TIMM23: variants seen among roughly 807,000 people sequenced by gnomAD.
TIMM23 encodes the protein translocase of inner mitochondrial membrane 23, also known as mitochondrial import inner membrane translocase subunit Tim23.
A neutral mutation model predicts 30.7 loss-of-function variants in TIMM23; 19 were observed. That is an observed-to-expected ratio of 0.62 (90% CI 0.43 to 0.91). The LOEUF (loss-of-function observed/expected upper bound fraction) is 0.91, where lower values mean the gene tolerates loss of function less well. Ranked by LOEUF, TIMM23 falls within the 40% of genes least tolerant of loss-of-function variation. The probability of loss-of-function intolerance (pLI) is 0.00; values close to 1 mark genes in which losing one functional copy is unlikely to be tolerated. For missense variants in TIMM23, 202 were observed against 269.2 expected (o/e 0.75, Z 1.75); for synonymous variants, 78 against 98.5 (o/e 0.79, Z 1.23).
chr10:45,973,568 A>G (rs1837567998), intron 1 of TIMM23, among the ~76,000 whole-genome samples: 1 of 152,238 alleles, frequency 6.6e-6, no homozygotes, highest in Admixed American at 6.5e-5. Context: ...AAAAAAATAT[A>G]AAAGACCTTT....
At chr10:45,994,310 GC>G (rs1418973473) in intron 6 of TIMM23, among the ~76,000 whole-genome samples, 1 of 151,964 alleles carries the variant, frequency 6.6e-6, no homozygotes, top group Admixed American at 6.6e-5. Flanking sequence ...CTGCACTCCA[GC>G]CTGGGCAGCT....
At chr10:46,002,912 C>T (rs1554917976) in intron 6 of TIMM23, among the ~76,000 whole-genome samples, 1 of 149,166 alleles carries the variant, frequency 6.7e-6, no homozygotes, top group Non-Finnish European at 1.5e-5. Flanking sequence ...CAACCTCAGC[C>T]TCCTGGGTTC....
intron 6 of TIMM23, among the ~76,000 whole-genome samples, chr10:46,002,834 T>TTTG (rs71471364): frequency 7.1e-6 from 1 of 141,146 alleles, no homozygotes; most frequent in Non-Finnish European, 1.6e-5. Context: ...TTTTTTTTTT[T>TTTG]GACGGAGTCT....
In TIMM23 at chr10:45,996,088, A is replaced by G. The variant is rs375347772; in HGVS notation, c.515-7115A>G. Among the ~76,000 whole-genome samples the G allele has an allele frequency of 1.4e-3, 214 of 148,088 alleles. 5 individuals carry two copies. The highest frequency in any genetic ancestry group is 4.7e-3 in the African/African-American group (177 of 38,058). On this transcript the variant is annotated intron_variant, in intron 6 of 6. Transcript: ENST00000580018. The stretch of plus-strand genomic sequence containing the variant: ...TTAAAACAGAAATGTTAGGCCTGGC[A>G]CAGTGGCTCACGTCTGTAATCCCAG...
chr10:45,986,016 CAATAGATCTCTTAT>C (rs1837979202), intron 5 of TIMM23, among the ~76,000 whole-genome samples: 1 of 152,190 alleles, frequency 6.6e-6, no homozygotes. Flanking sequence ...TGATCACTTA[CAATAGATCTCTTAT>C]GGCTTATGTC....
chr10:45,981,440 A>G lies in TIMM23; in HGVS notation c.166-1083A>G, dbSNP rs1169201374. Among the ~76,000 whole-genome samples, 216 of 151,932 alleles carry G rather than the reference A, an allele frequency of 1.4e-3. 2 individuals carry two copies. Among genetic ancestry groups the G allele is most frequent in the Non-Finnish European group, 2.4e-3 (163 of 67,990 alleles). On this transcript the variant is annotated intron_variant, in intron 2 of 6. Transcript: ENST00000580018. Reference sequence around the variant, plus strand: ...AAGTACCCAAAATTTATAAAACTCTATACAATTATATTATGACATGGGATC... The same window carrying G: ...AAGTACCCAAAATTTATAAAACTCTGTACAATTATATTATGACATGGGATC...
chr10:46,000,062 GTGCCCAGAT>G (rs1469448116), intron 6 of TIMM23, among the ~76,000 whole-genome samples: 2 of 152,162 alleles, frequency 1.3e-5, no homozygotes, highest in East Asian at 3.9e-4. Flanking sequence ...TTTTTTCAAG[GTGCCCAGAT>G]TTCATATTTG....
Position 45,972,517 on chromosome 10 carries a change from A to G in TIMM23, c.-108A>G. The G allele has an allele frequency of 4.1e-6, 6 of 1,458,664 alleles. No homozygotes were observed. The highest frequency in any genetic ancestry group is 1.4e-5 in the African/African-American group (1 of 70,288). 90.4% of individuals were successfully genotyped at this position (1,458,664 alleles called of 1,614,324 possible). A position where few individuals can be genotyped will look rare whatever the true frequency, so the allele number is the denominator to read the frequency against. Reference sequence around the variant, plus strand: ...CGGCGCCCGGAAGGTCAGCGTGTGAAGTAGGCGCTGGCAACGCGGGGTTAC... The same window carrying G: ...CGGCGCCCGGAAGGTCAGCGTGTGAGGTAGGCGCTGGCAACGCGGGGTTAC... On this transcript the variant is annotated 5_prime_UTR_variant, in exon 1 of 7. Coordinates refer to ENST00000580018, the MANE Select transcript of TIMM23 (RefSeq NM_006327.4).
intron 6 of TIMM23, among the ~76,000 whole-genome samples, chr10:45,999,283 G>A (rs1838445873): frequency 1.3e-5 from 2 of 152,134 alleles, no homozygotes; most frequent in Non-Finnish European, 2.9e-5. Context: ...TGGGACTACA[G>A]ATGCATGCCA....
intron 2 of TIMM23, among the ~76,000 whole-genome samples, chr10:45,978,038 A>T (rs1554770991): frequency 0.25 from 37,272 of 151,716 alleles, 5,382 homozygotes; most frequent in South Asian, 0.52. Flanking sequence ...TCTCAAAAAA[A>T]AAATAAAAAA....
intron 6 of TIMM23, among the ~76,000 whole-genome samples, chr10:45,999,535 AGAG>A (rs199966670): frequency 0.052 from 7,918 of 152,158 alleles, 241 homozygotes; most frequent in Non-Finnish European, 0.075. Context: ...GATTTTCAAA[AGAG>A]GAGGGAGTGT....
intron 3 of TIMM23, 60 bp downstream of exon 3, chr10:45,982,676 A>T (rs1286419820): frequency 1.2e-6 from 2 of 1,604,138 alleles, no homozygotes; most frequent in East Asian, 4.5e-5. Flanking sequence ...GGGTGCGTAA[A>T]ATCAAAAGCA....
chr10:45,996,443 G>T (rs1838335236), intron 6 of TIMM23, among the ~76,000 whole-genome samples: 1 of 150,188 alleles, frequency 6.7e-6, no homozygotes, highest in Non-Finnish European at 1.5e-5. Flanking sequence ...CTAATACCAT[G>T]CTCATCTATA....
intron 1 of TIMM23, 25 bp downstream of exon 1, chr10:45,972,755 T>G (rs782609813): frequency 1.2e-6 from 2 of 1,612,786 alleles, no homozygotes; most frequent in Non-Finnish European, 1.7e-6. Context: ...TAGCTTGCGA[T>G]TATTTCTGAC....
At chr10:45,996,982 A>T (rs1445935215) in intron 6 of TIMM23, among the ~76,000 whole-genome samples, 29 of 151,302 alleles carry the variant, frequency 1.9e-4, no homozygotes, top group Admixed American at 1.9e-3. Flanking sequence ...AAAAAAAAAA[A>T]AAAGATAGAT....
At chr10:45,982,823 G>T (rs1837886457) in intron 3 of TIMM23, 23 bp from the exon 4 acceptor site, 1 of 1,613,704 alleles carries the variant, frequency 6.2e-7, no homozygotes, top group African/African-American at 1.3e-5. Flanking sequence ...TCTTTATCTG[G>T]GTGAATTGTT....
intron 6 of TIMM23, among the ~76,000 whole-genome samples, chr10:46,001,001 G>C (rs538470666): frequency 2.6e-5 from 4 of 152,156 alleles, no homozygotes; most frequent in Non-Finnish European, 2.9e-5. Flanking sequence ...ATAACTGAGC[G>C]ATAGCAATGC....
chr10:45,998,072 C>T (rs1214398542), intron 6 of TIMM23, among the ~76,000 whole-genome samples: 1 of 152,064 alleles, frequency 6.6e-6, no homozygotes, highest in Non-Finnish European at 1.5e-5. Flanking sequence ...TGGCCAGCTG[C>T]CTGTTTATTT....
chr10:45,983,125 A>G (rs1392625857), intron 4 of TIMM23, among the ~76,000 whole-genome samples, 195 bp downstream of exon 4: 11 of 152,252 alleles, frequency 7.2e-5, no homozygotes, highest in African/African-American at 2.7e-4. Context: ...AAAAGGAGTG[A>G]TTTTTTTAAT....
Sources: gnomAD v4.1 joint callset for allele counts (sites outside exome capture counted in the v4.1 genomes callset) on GRCh38, gnomAD v4.1.1 for gene constraint, MANE v1.5 for transcripts, NCBI Gene and HGNC (gene_info 2026-07-23, HGNC 2026-07-21) for gene names.